The following MAGT1 variants were observed in gnomAD, a reference collection of about 807,000 sequenced individuals.
The protein encoded by MAGT1 is dolichyl-diphosphooligosaccharide--protein glycosyltransferase subunit MAGT1.
In MAGT1, 4 loss-of-function variants were observed where a neutral mutation model predicts 28.4. The ratio of observed to expected loss-of-function variants is 0.14; its 90% CI spans 0.07 to 0.32. The LOEUF is 0.32. MAGT1 is among the 10% of genes least tolerant of loss of function. MAGT1 has a pLI of 1.00. For synonymous variants in MAGT1, 89 were observed against 89.7 expected (o/e 0.99, Z 0.04); for missense variants, 193 against 264.5 (o/e 0.73, Z 1.88).
intron 1 of MAGT1, among the ~76,000 whole-genome samples, chrX:77,883,833 T>C (rs2077060103): frequency 1.8e-5 from 2 of 110,031 alleles, no homozygotes; most frequent in Middle Eastern, 4.2e-3. Flanking sequence ...ATGAACCACC[T>C]TGCCCCGACT....
chrX:77,859,640 G>A (rs1055510553), intron 3 of MAGT1, among the ~76,000 whole-genome samples: 2 of 112,053 alleles, frequency 1.8e-5, no homozygotes, highest in Non-Finnish European at 3.8e-5. Context: ...GCCGAGGCAG[G>A]TGGATCACTT....
At chrX:77,858,382 G>A (rs782219260) in intron 3 of MAGT1, among the ~76,000 whole-genome samples, 1 of 110,562 alleles carries the variant, frequency 9.0e-6, no homozygotes, top group Non-Finnish European at 1.9e-5. Context: ...GTAGAGACAG[G>A]GGTTCACCAT....
chrX:77,857,902 A>G lies in MAGT1; in HGVS notation c.391-405T>C, dbSNP rs889570785. ...TTGGAGGAACCAAGATAATAAAATAATGCTCTAAAACAGCAGTGAAAAGCA... is the reference window on the plus strand; with the variant it reads ...TTGGAGGAACCAAGATAATAAAATAGTGCTCTAAAACAGCAGTGAAAAGCA... On this transcript the variant is annotated intron_variant, in intron 3 of 9. Coordinates refer to ENST00000618282, the MANE Select transcript of MAGT1 (RefSeq NM_001367916.1). Among the ~76,000 whole-genome samples the G allele has an allele frequency of 4.5e-5, 5 of 111,857 alleles. No homozygotes were observed. In the Admixed American group the frequency reaches 4.8e-4, roughly 11 times the overall value.
intron 3 of MAGT1, among the ~76,000 whole-genome samples, chrX:77,864,561 T>C (rs2077003589): frequency 9.0e-6 from 1 of 111,271 alleles, no homozygotes; most frequent in Non-Finnish European, 1.9e-5. Context: ...TATTATGTTA[T>C]CAGTAAAAAA....
intron 1 of MAGT1, among the ~76,000 whole-genome samples, chrX:77,879,442 G>A (rs1249134707): frequency 8.9e-6 from 1 of 112,118 alleles, no homozygotes; most frequent in African/African-American, 3.2e-5. Flanking sequence ...TAGAGTTAAT[G>A]CTAATTTATG....
intron 7 of MAGT1, among the ~76,000 whole-genome samples, chrX:77,850,834 A>G (rs1364920471): frequency 8.9e-6 from 1 of 111,946 alleles, no homozygotes; most frequent in Non-Finnish European, 1.9e-5. Context: ...ACTAATTAAT[A>G]CTTTACAATT....
intron 1 of MAGT1, among the ~76,000 whole-genome samples, chrX:77,891,849 T>C (rs2077083529): frequency 8.9e-6 from 1 of 112,077 alleles, no homozygotes; most frequent in African/African-American, 3.2e-5. Context: ...ATAAGCAGGG[T>C]AGCATTCCAT....
At chrX:77,857,182 A>C (rs2076983433) in intron 4 of MAGT1, among the ~76,000 whole-genome samples, 175 bp downstream of exon 4, 1 of 111,712 alleles carries the variant, frequency 9.0e-6, no homozygotes, top group Non-Finnish European at 1.9e-5. Context: ...AGGGTAATAG[A>C]GAGTGTTCTG....
chrX:77,875,115 G>A lies in MAGT1; in HGVS notation c.272+313C>T, dbSNP rs1028814886. Among the ~76,000 whole-genome samples the A allele has an allele frequency of 7.3e-5, 8 of 109,544 alleles. No homozygotes were observed. The East Asian group carries it at 1.1e-3, about 16-fold the overall frequency. ...TGACCTCAGATGATCCACCTGCCTC[G>A]ACCTCCCAAAGTGCTGGGATTACAG... On this transcript the variant is annotated intron_variant, in intron 2 of 9. Transcript: ENST00000618282.
chrX:77,883,425 C>T (rs1210400216), intron 1 of MAGT1, among the ~76,000 whole-genome samples: 1 of 107,799 alleles, frequency 9.3e-6, no homozygotes, highest in Non-Finnish European at 1.9e-5. Context: ...TATTCTTTCT[C>T]GAAATAATTT....
intron 3 of MAGT1, among the ~76,000 whole-genome samples, chrX:77,870,119 G>A (rs2077016888): frequency 1.8e-5 from 2 of 111,780 alleles, no homozygotes; most frequent in South Asian, 3.7e-4. Flanking sequence ...TGGAGCGGGA[G>A]GTCATTATTC....
chrX:77,845,723 C>T (rs1165213492), intron 7 of MAGT1, among the ~76,000 whole-genome samples: 7 of 111,523 alleles, frequency 6.3e-5, no homozygotes, highest in African/African-American at 2.3e-4. Context: ...ATATGAAATT[C>T]TGGGTTGAAA....
intron 7 of MAGT1, among the ~76,000 whole-genome samples, chrX:77,851,364 C>T (rs781898464): frequency 1.9e-5 from 2 of 107,748 alleles, no homozygotes; most frequent in African/African-American, 3.4e-5. Flanking sequence ...TACAGGCGCC[C>T]GTCACCATGC....
At position 77,828,305 on chromosome X, in the gene MAGT1, CAT is replaced by C. The variant is rs1183486218; in HGVS notation, c.*913_*914del. On this transcript the variant is annotated 3_prime_UTR_variant, in exon 10 of 10. Transcript: ENST00000618282. ...GACATTGCTGGTGTGGTAGCTCACA[CAT>C]GTCATCCTCGCACTTTGGGAGACTG... The C allele has an allele frequency of 1.8e-5, 2 of 110,774 alleles. No individual in the cohort carries two copies. Among genetic ancestry groups the C allele is most frequent in the African/African-American group, 3.3e-5 (1 of 30,503 alleles). The allele number at this position is 110,774 out of a possible 1,213,427, so 9.1% of individuals were successfully genotyped here.
intron 7 of MAGT1, among the ~76,000 whole-genome samples, chrX:77,848,414 C>A (rs2076958070): frequency 8.9e-6 from 1 of 112,246 alleles, no homozygotes; most frequent in Admixed American, 9.5e-5. Flanking sequence ...ACGGGTGGAT[C>A]ACCTAAGGTC....
At chrX:77,841,851 A>ATT (rs34014897) in intron 7 of MAGT1, among the ~76,000 whole-genome samples, 37,691 of 79,884 alleles carry the variant, frequency 0.47, 10,735 homozygotes, top group Non-Finnish European at 0.66. Flanking sequence ...AAATTCTGTA[A>ATT]TTTTTTTTTT....
At chrX:77,832,384 C>T (rs782358285) in intron 8 of MAGT1, among the ~76,000 whole-genome samples, 1 of 108,072 alleles carries the variant, frequency 9.3e-6, no homozygotes, top group East Asian at 2.9e-4. Context: ...AATACACTAA[C>T]ACTAATGATA....
chrX:77,860,319 C>A (rs1260123401), intron 3 of MAGT1, among the ~76,000 whole-genome samples: 1 of 110,163 alleles, frequency 9.1e-6, no homozygotes, highest in Non-Finnish European at 1.9e-5. Context: ...AACTCATGAC[C>A]TCAAGTGATC....
intron 7 of MAGT1, among the ~76,000 whole-genome samples, chrX:77,847,762 C>A (rs2076956334): frequency 9.1e-6 from 1 of 110,039 alleles, no homozygotes; most frequent in Admixed American, 9.8e-5. Context: ...CAGGCACATG[C>A]CACCACGCCT....
Sources: allele counts gnomAD v4.1 joint callset (sites outside exome capture counted in the v4.1 genomes callset), GRCh38; gene constraint gnomAD v4.1.1; transcripts MANE v1.5; gene names NCBI Gene and HGNC (gene_info 2026-07-23, HGNC 2026-07-21).